The following GAS7 variants were observed in gnomAD, a reference collection of about 807,000 sequenced individuals.
GAS7 encodes the protein growth arrest specific 7.
GAS7 carries 28 observed loss-of-function variants against 71.1 expected under a neutral mutation model. The ratio of observed to expected loss-of-function variants is 0.39; its 90% CI spans 0.29 to 0.54. The LOEUF (loss-of-function observed/expected upper bound fraction) is 0.54. GAS7 is among the 20% of genes least tolerant of loss of function. The pLI, the probability that GAS7 is intolerant of heterozygous loss-of-function variation, is 0.62. For missense variants in GAS7, 436 were observed against 627.8 expected, an observed-to-expected ratio of 0.69 and a Z score of 3.27; for synonymous variants, 258 against 245.8, an observed-to-expected ratio of 1.05 and a Z score of -0.46.
chr17:10,041,174 A>AGAAG (rs1482702186), intron 1 of GAS7, among the ~76,000 whole-genome samples: 6 of 151,044 alleles, frequency 4.0e-5, no homozygotes, highest in African/African-American at 1.5e-4. Flanking sequence ...AAAAAAAAAA[A>AGAAG]AAGAAGAAGG....
chr17:9,972,737 T>G (rs1304536126), intron 3 of GAS7, among the ~76,000 whole-genome samples: 1 of 152,116 alleles, frequency 6.6e-6, no homozygotes, highest in Non-Finnish European at 1.5e-5. Flanking sequence ...AAAGTAGATA[T>G]TAATAATGAA....
intron 1 of GAS7, among the ~76,000 whole-genome samples, chr17:10,043,695 G>A (rs2072905479): frequency 6.6e-6 from 1 of 152,154 alleles, no homozygotes; most frequent in African/African-American, 2.4e-5. Flanking sequence ...TGGGAGGATG[G>A]CTTGAGCCCA....
chr17:10,181,193 C>T (rs2074413011), intron 1 of GAS7, among the ~76,000 whole-genome samples: 1 of 148,426 alleles, frequency 6.7e-6, no homozygotes, highest in African/African-American at 2.5e-5. Flanking sequence ...AACCCTGTCT[C>T]TACTACAGTA....
chr17:10,095,632 C>A (rs556926560), intron 1 of GAS7, among the ~76,000 whole-genome samples: 4 of 151,962 alleles, frequency 2.6e-5, no homozygotes, highest in South Asian at 4.2e-4. Flanking sequence ...CCATCCTGGC[C>A]AACATGGTGA....
chr17:9,956,374 C>T (rs938643097), intron 5 of GAS7, among the ~76,000 whole-genome samples: 2 of 152,140 alleles, frequency 1.3e-5, no homozygotes, highest in African/African-American at 2.4e-5. Context: ...GCCCCTACCC[C>T]GGGTTCTGTG....
intron 1 of GAS7, among the ~76,000 whole-genome samples, chr17:10,135,985 G>T (rs1028246534): frequency 2.0e-5 from 3 of 152,180 alleles, no homozygotes; most frequent in African/African-American, 7.2e-5. Context: ...GCATGACTTA[G>T]CGAGTTGGCC....
At position 9,910,918 on chromosome 17, in the gene GAS7, T is replaced by C. The variant is rs572818832; in HGVS notation, c.*6310A>G. The C allele has an allele frequency of 1.1e-3, 243 of 231,162 alleles. No individual in the cohort carries two copies. Among genetic ancestry groups the C allele is most frequent in the African/African-American group, 5.0e-3 (228 of 45,288 alleles). 14.3% of individuals were successfully genotyped at this position (231,162 alleles called of 1,614,324 possible). A position where few individuals can be genotyped will look rare whatever the true frequency, so the allele number is the denominator to read the frequency against. On this transcript the variant is annotated 3_prime_UTR_variant, in exon 14 of 14. Transcript: ENST00000432992. ...GGAGTGCTGGCGGGAGACACGGCTC[T>C]TTAACATGAAAAATGTATAAAGTAT...
intron 1 of GAS7, among the ~76,000 whole-genome samples, chr17:10,107,316 C>T (rs994564459): frequency 6.6e-6 from 1 of 151,410 alleles, no homozygotes; most frequent in Admixed American, 6.6e-5. Flanking sequence ...TTTATAGGAA[C>T]GGCCCCAGGT....
At chr17:9,975,737 T>C (rs2086014446) in intron 3 of GAS7, among the ~76,000 whole-genome samples, 1 of 152,194 alleles carries the variant, frequency 6.6e-6, no homozygotes, top group Non-Finnish European at 1.5e-5. Flanking sequence ...AGATTGAGTT[T>C]ATTTACAGTA....
chr17:10,140,931 T>C (rs1031332975), intron 1 of GAS7, among the ~76,000 whole-genome samples: 2 of 152,246 alleles, frequency 1.3e-5, no homozygotes, highest in African/African-American at 4.8e-5. Flanking sequence ...TATGCCTCAA[T>C]GGCTCCCCCA....
At chr17:10,136,950 C>T (rs144846706) in intron 1 of GAS7, among the ~76,000 whole-genome samples, 21 of 152,090 alleles carry the variant, frequency 1.4e-4, no homozygotes, top group East Asian at 1.2e-3. Flanking sequence ...GGCGAAACCC[C>T]GTCTCTACAA....
At chr17:9,961,523 C>T (rs1411883804) in intron 4 of GAS7, among the ~76,000 whole-genome samples, 3 of 152,222 alleles carry the variant, frequency 2.0e-5, no homozygotes, top group African/African-American at 7.2e-5. Flanking sequence ...ACTGCAGCCC[C>T]CCAGAGAGGG....
chr17:10,077,337 GAAGAAAA>G (rs2073406091), intron 1 of GAS7, among the ~76,000 whole-genome samples: 2 of 152,026 alleles, frequency 1.3e-5, no homozygotes, highest in South Asian at 4.1e-4. Flanking sequence ...AAGCCACAAA[GAAGAAAA>G]AAGTAAGAGT....
At chr17:9,929,452 G>A (rs1365591819) in intron 9 of GAS7, among the ~76,000 whole-genome samples, 4 of 152,066 alleles carry the variant, frequency 2.6e-5, no homozygotes, top group Admixed American at 6.6e-5. Context: ...TCTCCATCTC[G>A]CTACAGACAT....
chr17:10,071,939 G>GAAA (rs57043066), intron 1 of GAS7, among the ~76,000 whole-genome samples: 1 of 121,270 alleles, frequency 8.2e-6, no homozygotes, highest in African/African-American at 3.0e-5. Context: ...TCCATCTCAA[G>GAAA]AAAAAAAAAA....
chr17:10,095,801 CAA>C (rs58811317), intron 1 of GAS7, among the ~76,000 whole-genome samples: 17 of 110,044 alleles, frequency 1.5e-4, no homozygotes, highest in East Asian at 2.8e-4. Context: ...GACTCCATCT[CAA>C]AAAAAAAAAA....
At chr17:10,002,010 C>CCT (rs2071285254) in intron 2 of GAS7, among the ~76,000 whole-genome samples, 1 of 152,186 alleles carries the variant, frequency 6.6e-6, no homozygotes, top group South Asian at 2.1e-4. Flanking sequence ...AACCTGTTTA[C>CCT]AGCATCCTAG....
rs1215092402 is a variant in GAS7, at chr17:9,969,455, C to G, written c.471+222G>C. ...GTTTCAACCCCATCACCGTCAACCC[C>G]TCCTCCAAACCACCCTCGACTTCTA... On this transcript the variant is annotated intron_variant, in intron 4 of 13. Transcript: ENST00000432992. This position sits in a 1 kb window ranked among gnomAD's most constrained non-coding sequence, Gnocchi z 5.5. Among the ~76,000 whole-genome samples, 2 of 152,160 alleles carry G rather than the reference C, an allele frequency of 1.3e-5. No individual in the cohort carries two copies. Among genetic ancestry groups the G allele is most frequent in the Non-Finnish European group, 2.9e-5 (2 of 68,040 alleles).
chr17:10,036,460 G>A (rs2072753825), intron 1 of GAS7: 2 of 1,613,380 alleles, frequency 1.2e-6, no homozygotes, highest in South Asian at 2.2e-5. Flanking sequence ...ACCTTCTCTG[G>A]GGGCTGCTAC....
Sources: allele counts gnomAD v4.1 joint callset (sites outside exome capture counted in the v4.1 genomes callset), GRCh38; gene constraint gnomAD v4.1.1; non-coding constraint Gnocchi (gnomAD v3.1); transcripts MANE v1.5; gene names NCBI Gene and HGNC (gene_info 2026-07-23, HGNC 2026-07-21).